The following APBB2 variants were observed in gnomAD, a reference collection of about 807,000 sequenced individuals.
The protein encoded by APBB2 is amyloid beta precursor protein binding family B member 2, also known as Fe65-like 1.
A neutral mutation model predicts 82.5 loss-of-function variants in APBB2; 38 were observed. That is an observed-to-expected ratio of 0.46 (90% CI 0.36 to 0.60). APBB2 has a LOEUF of 0.60. Among genes scored for constraint, APBB2 ranks in the 20% least tolerant of loss-of-function variants. APBB2 has a pLI of 0.00. For missense variants in APBB2, 772 were observed against 972.3 expected (o/e 0.79, Z 2.74); for synonymous variants, 341 against 368.2 (o/e 0.93, Z 0.85).
chr4:41,158,720 A>AT (rs1230796074), intron 1 of APBB2, among the ~76,000 whole-genome samples: 4 of 152,058 alleles, frequency 2.6e-5, no homozygotes, highest in Admixed American at 6.6e-5. Context: ...TTTTAGCAGG[A>AT]TTTTTTTTGT....
chr4:41,091,973 T>C (rs1741870050), intron 3 of APBB2, among the ~76,000 whole-genome samples: 1 of 152,248 alleles, frequency 6.6e-6, no homozygotes, highest in Non-Finnish European at 1.5e-5. Flanking sequence ...TTGTGAGATC[T>C]GAACACAATT....
intron 1 of APBB2, among the ~76,000 whole-genome samples, chr4:41,159,910 G>GAGAAGGAGAAGGAGA (rs1266961338): frequency 0.012 from 167 of 13,816 alleles, 22 homozygotes; most frequent in South Asian, 0.076. Context: ...GAAGGAGAAG[G>GAGAAGGAGAAGGAGA]AGGAGGAGGA....
chr4:40,917,770 G>A lies in APBB2; in HGVS notation c.1254+16686C>T, dbSNP rs534422941. Among the ~76,000 whole-genome samples, 5 of 152,326 alleles carry A rather than the reference G, an allele frequency of 3.3e-5. No individual in the cohort carries two copies. In the South Asian group the frequency reaches 1.0e-3, roughly 32 times the overall value. Reference sequence around the variant, plus strand: ...AGAAGTAGAAGCTTTGGAATGATGAGGAGTATTTGCAGAACAGTAATGGTG... The same window carrying A: ...AGAAGTAGAAGCTTTGGAATGATGAAGAGTATTTGCAGAACAGTAATGGTG... On this transcript the variant is annotated intron_variant, in intron 10 of 17. Transcript: ENST00000508593.
intron 10 of APBB2, among the ~76,000 whole-genome samples, chr4:40,899,537 T>C (rs1031145472): frequency 1.3e-5 from 2 of 152,206 alleles, no homozygotes; most frequent in African/African-American, 2.4e-5. Flanking sequence ...GTTCGAATTA[T>C]ATTCCAATCA....
At chr4:40,969,030 C>T (rs557811448) in intron 6 of APBB2, among the ~76,000 whole-genome samples, 24 of 152,320 alleles carry the variant, frequency 1.6e-4, no homozygotes, top group East Asian at 1.5e-3. Flanking sequence ...TCATGTAAGA[C>T]GTGTCTTTCG....
At chr4:40,857,266 G>T (rs932618325) in intron 12 of APBB2, 6 of 772,922 alleles carry the variant, frequency 7.8e-6, no homozygotes, top group Non-Finnish European at 6.3e-6. Flanking sequence ...GCACTCCCGT[G>T]AAGTGCTCCC....
At chr4:40,995,599 A>C (rs1187063399) in intron 6 of APBB2, among the ~76,000 whole-genome samples, 2 of 151,218 alleles carry the variant, frequency 1.3e-5, no homozygotes, top group Admixed American at 6.6e-5. Context: ...GCTGCAGTGC[A>C]GTGGCACAAA....
chr4:41,180,012 T>C (rs865867923), intron 1 of APBB2, among the ~76,000 whole-genome samples: 1 of 152,346 alleles, frequency 6.6e-6, no homozygotes, highest in African/African-American at 2.4e-5. Flanking sequence ...TCTCTTTCTT[T>C]CATACTTAAA....
chr4:40,952,261 C>T (rs188343337), intron 6 of APBB2, among the ~76,000 whole-genome samples: 3 of 151,834 alleles, frequency 2.0e-5, no homozygotes, highest in African/African-American at 7.3e-5. Context: ...CAGTTAGGCT[C>T]CCTCAGCAGG....
intron 1 of APBB2, among the ~76,000 whole-genome samples, chr4:41,161,715 A>G (rs919630566): frequency 6.6e-6 from 1 of 152,228 alleles, no homozygotes; most frequent in South Asian, 2.1e-4. Context: ...AAGCCCAGAA[A>G]TGTTGAAAGA....
chr4:41,055,438 C>T (rs1727492907), intron 4 of APBB2, among the ~76,000 whole-genome samples: 1 of 152,208 alleles, frequency 6.6e-6, no homozygotes, highest in African/African-American at 2.4e-5. Flanking sequence ...GGAGTAAGGG[C>T]TCTGGACTGT....
intron 2 of APBB2, among the ~76,000 whole-genome samples, chr4:41,128,745 C>G (rs1357858062): frequency 6.6e-6 from 1 of 152,206 alleles, no homozygotes. Flanking sequence ...CACATCACTT[C>G]CCCTACTGTC....
rs769599996 is a variant in APBB2, at chr4:41,014,395, T to A, written c.23A>T (p.Asp8Val). The A allele has an allele frequency of 1.9e-6, 3 of 1,613,368 alleles. No individual in the cohort carries two copies. The highest frequency in any genetic ancestry group is 2.5e-6 in the Non-Finnish European group (3 of 1,179,690). Reference protein sequence around the residue: MSEVLPADSGVDTLAVFM... With the variant: MSEVLPAVSGVDTLAVFM... ...CACTGCCAAGGTGTCAACACCTGAG[T>A]CAGCTGGGGAAAAAAAAAGTCATTA... The change falls in exon 6 of 18, where the codon GAC (aspartate) becomes GTC (valine). Residue 8 changes from aspartate (D) to valine (V), a missense_variant. Transcript: ENST00000508593.
chr4:40,892,113 G>A (rs1167372273), intron 11 of APBB2, among the ~76,000 whole-genome samples: 3 of 152,048 alleles, frequency 2.0e-5, no homozygotes, highest in South Asian at 4.1e-4. Flanking sequence ...ATCATACCCA[G>A]CTAATTTTTG....
rs754155517 is a variant in APBB2 at position 40,825,917 on chromosome 4, A to G, written c.1786T>C (p.Leu596=). Residue 596 remains leucine (L), a synonymous_variant, in exon 15 of 18, where the codon TTG becomes CTG. Coordinates refer to ENST00000508593, the MANE Select transcript of APBB2 (RefSeq NM_004307.2). The part of the protein sequence containing the change: ...ELVQKFHVQY[L]GMLPVDKPVG... The stretch of plus-strand genomic sequence containing the variant: ...GGTTTGTCTACAGGTAACATGCCCA[A>G]GTACTGCACGTGGAACTTCTGGACC... 7.4e-6 allele frequency: 12 copies of G among 1,614,062 alleles called. No individual in the cohort carries two copies. The South Asian group carries it at 1.3e-4, about 18-fold the overall frequency.
chr4:41,194,304 A>T, intron 1 of APBB2, among the ~76,000 whole-genome samples: 1 of 152,258 alleles, frequency 6.6e-6, no homozygotes, highest in African/African-American at 2.4e-5. Flanking sequence ...CCTGGGCAAC[A>T]GAGCGAAACT....
intron 5 of APBB2, among the ~76,000 whole-genome samples, chr4:41,021,665 C>G (rs532158497): frequency 1.3e-5 from 2 of 152,114 alleles, no homozygotes; most frequent in Admixed American, 1.3e-4. Flanking sequence ...ATCAGCAGGA[C>G]GTGGGTGGGG....
intron 1 of APBB2, among the ~76,000 whole-genome samples, chr4:41,198,245 C>T: frequency 6.6e-6 from 1 of 152,186 alleles, no homozygotes; most frequent in African/African-American, 2.4e-5. Flanking sequence ...GGAACATGTC[C>T]TTCTTCTTCA....
At chr4:41,131,622 G>A (rs1756004030) in intron 2 of APBB2, among the ~76,000 whole-genome samples, 1 of 152,268 alleles carries the variant, frequency 6.6e-6, no homozygotes, top group South Asian at 2.1e-4. Context: ...GTTATAAAGA[G>A]AAGGAGATAT....
Sources: allele counts gnomAD v4.1 joint callset (sites outside exome capture counted in the v4.1 genomes callset), GRCh38; gene constraint gnomAD v4.1.1; transcripts MANE v1.5; gene names NCBI Gene and HGNC (gene_info 2026-07-23, HGNC 2026-07-21).